Variants in TLL1 observed in about 807,000 individuals in gnomAD.
TLL1 encodes the protein tolloid-like protein 1.
In TLL1, 49 loss-of-function variants were observed where a neutral mutation model predicts 128.2. That is an observed-to-expected ratio of 0.38 (90% confidence interval 0.30 to 0.48). The LOEUF (loss-of-function observed/expected upper bound fraction) is 0.48. Among genes scored for constraint, TLL1 ranks in the 20% least tolerant of loss-of-function variants. TLL1 has a pLI of 0.96. For missense variants in TLL1, 1,123 were observed against 1,242.0 expected (o/e 0.90, Z 1.44); for synonymous variants, 454 against 418.8 (o/e 1.08, Z -1.03).
chr4:165,903,812 A>G (rs932526878), intron 1 of TLL1, among the ~76,000 whole-genome samples: 5 of 152,006 alleles, frequency 3.3e-5, no homozygotes, highest in Non-Finnish European at 7.4e-5. Context: ...GGTGATCACA[A>G]GAGGTTTATG....
At chr4:166,052,144 A>G (rs1739770493) in intron 12 of TLL1, among the ~76,000 whole-genome samples, 1 of 152,064 alleles carries the variant, frequency 6.6e-6, no homozygotes, top group Non-Finnish European at 1.5e-5. Flanking sequence ...TTTGAGTTTC[A>G]TTTTCAATAG....
intron 18 of TLL1, among the ~76,000 whole-genome samples, chr4:166,082,823 G>A (rs538212754): frequency 5.9e-5 from 9 of 151,940 alleles, no homozygotes; most frequent in East Asian, 1.9e-4. Flanking sequence ...AATTACAGGC[G>A]CCTGCCACCA....
intron 1 of TLL1, among the ~76,000 whole-genome samples, chr4:165,882,425 C>G (rs912226210): frequency 2.0e-5 from 3 of 151,940 alleles, no homozygotes; most frequent in African/African-American, 7.2e-5. Flanking sequence ...TCTTTCTTTT[C>G]TACCTAAGAC....
At position 166,036,701 on chromosome 4, in the gene TLL1, G is replaced by A. The variant is rs565028124; in HGVS notation, c.1159-2638G>A. Among the ~76,000 whole-genome samples the A allele has an allele frequency of 1.8e-4, 27 of 151,998 alleles. No homozygotes were observed. In the South Asian group the frequency reaches 5.4e-3, roughly 30 times the overall value. ...TGTGTTTTATGTTAATGTCAGGCCA[G>A]TTATGTTCCTCCATGGTGCTTGGTG... On this transcript the variant is annotated intron_variant, in intron 9 of 20. Transcript: ENST00000061240.
chr4:166,084,352 A>T (rs1164041604), intron 18 of TLL1, among the ~76,000 whole-genome samples: 1 of 151,874 alleles, frequency 6.6e-6, no homozygotes, highest in African/African-American at 2.4e-5. Context: ...CACTCTGTTG[A>T]TTGCTCCCTT....
rs543209919 is a variant in TLL1, at chr4:165,938,305, T to C, written c.170-51076T>C. On this transcript the variant is annotated intron_variant, in intron 1 of 20. Transcript: ENST00000061240. ...GGTTTCTCTTTTATTTCTGATTATT[T>C]TTGGTGAGCCTTCATGATCTTGATT... Among the ~76,000 whole-genome samples the C allele has an allele frequency of 6.6e-5, 10 of 152,200 alleles. No individual in the cohort carries two copies. The East Asian group carries it at 1.9e-3, about 29-fold the overall frequency.
intron 1 of TLL1, among the ~76,000 whole-genome samples, chr4:165,886,611 A>G (rs897389821): frequency 2.0e-5 from 3 of 152,188 alleles, no homozygotes; most frequent in Non-Finnish European, 4.4e-5. Context: ...CACTAGTCCT[A>G]TATATAAAAT....
chr4:166,099,985 A>G (rs1461725896), intron 20 of TLL1, among the ~76,000 whole-genome samples: 1 of 152,152 alleles, frequency 6.6e-6, no homozygotes, highest in African/African-American at 2.4e-5. Flanking sequence ...TGGTGTGTGT[A>G]CACAGGCAGT....
intron 1 of TLL1, among the ~76,000 whole-genome samples, chr4:165,930,493 T>G (rs1384415163): frequency 6.6e-6 from 1 of 152,134 alleles, no homozygotes; most frequent in African/African-American, 2.4e-5. Context: ...AGCTAAAATT[T>G]TACTGAAACA....
rs562325369 is a variant in TLL1 at position 165,894,177 on chromosome 4, G to A, written c.169+20104G>A. Among the ~76,000 whole-genome samples the A allele has an allele frequency of 3.1e-3, 466 of 152,198 alleles. 1 individual carries two copies. Among genetic ancestry groups the A allele is most frequent in the African/African-American group, 0.011 (449 of 41,514 alleles). On this transcript the variant is annotated intron_variant, in intron 1 of 20. Coordinates refer to ENST00000061240, the MANE Select transcript of TLL1 (RefSeq NM_012464.5). ...ATGGCCAAAAATTCCTAAATTTAGT[G>A]AAAACAGTAGATCTGTGTGATCTAA...
chr4:166,060,290 C>G lies in TLL1; in HGVS notation c.2007+102C>G, dbSNP rs1028334047. The G allele has an allele frequency of 1.1e-5, 14 of 1,272,832 alleles. No individual in the cohort carries two copies. The African/African-American group carries it at 2.0e-4, about 18-fold the overall frequency. The allele number at this position is 1,272,832 out of a possible 1,614,324, so 78.8% of individuals were successfully genotyped here. ...AAAAGATGTAGTAAAATAGTATAGA[C>G]ATTGTATTCTTTCTTTGTCTTACTG... is the stretch of plus-strand genomic sequence containing the variant. On this transcript the variant is annotated intron_variant, in intron 15 of 20. Transcript: ENST00000061240.
intron 7 of TLL1, among the ~76,000 whole-genome samples, chr4:166,008,312 A>C (rs1331198969): frequency 6.6e-6 from 1 of 151,618 alleles, no homozygotes; most frequent in Non-Finnish European, 1.5e-5. Context: ...TTATGTAAAC[A>C]ATTTTATATT....
intron 5 of TLL1, among the ~76,000 whole-genome samples, chr4:165,997,111 T>C (rs1736918467): frequency 1.3e-5 from 2 of 151,992 alleles, no homozygotes; most frequent in African/African-American, 4.8e-5. Context: ...TCATTTGGAA[T>C]TACCATTGTT....
intron 1 of TLL1, among the ~76,000 whole-genome samples, chr4:165,917,450 C>T (rs1732835391): frequency 6.6e-6 from 1 of 152,076 alleles, no homozygotes; most frequent in African/African-American, 2.4e-5. Context: ...GGGAATAATA[C>T]TAGTATCCTA....
At chr4:166,037,923 G>C (rs1387189351) in intron 9 of TLL1, among the ~76,000 whole-genome samples, 1 of 152,006 alleles carries the variant, frequency 6.6e-6, no homozygotes, top group African/African-American at 2.4e-5. Context: ...GAAAGTACAT[G>C]TTAGTCTATA....
Position 165,918,027 on chromosome 4 carries a change from G to T in TLL1, c.169+43954G>T, listed in dbSNP as rs73860888. On this transcript the variant is annotated intron_variant, in intron 1 of 20. Coordinates refer to ENST00000061240, the MANE Select transcript of TLL1 (RefSeq NM_012464.5). ...TTTGAAGATGTAATTTTAGACAAAT[G>T]GAAATTTTAGTTGGAAGATTATTAG... 2.6e-3 allele frequency among the ~76,000 whole-genome samples: 390 copies of T among 152,136 alleles called. 2 individuals are homozygous for T. Among genetic ancestry groups the T allele is most frequent in the African/African-American group, 8.7e-3 (363 of 41,512 alleles).
chr4:166,086,044 A>G (rs1182566583), intron 18 of TLL1, among the ~76,000 whole-genome samples: 3 of 152,156 alleles, frequency 2.0e-5, no homozygotes, highest in African/African-American at 4.8e-5. Flanking sequence ...TTATAAGACT[A>G]TAAGCTCAAA....
At chr4:166,049,427 T>C (rs75023870) in intron 12 of TLL1, among the ~76,000 whole-genome samples, 1,555 of 152,316 alleles carry the variant, frequency 0.01, 17 homozygotes, top group Middle Eastern at 0.027. Context: ...GCATGTCTGT[T>C]TTATTCACCA....
intron 5 of TLL1, among the ~76,000 whole-genome samples, chr4:166,002,632 A>G (rs1233630724): frequency 6.6e-6 from 1 of 151,864 alleles, no homozygotes; most frequent in East Asian, 1.9e-4. Context: ...TTTTGTAGAG[A>G]TGGGGTCTTA....
Sources: allele counts gnomAD v4.1 joint callset (sites outside exome capture counted in the v4.1 genomes callset), GRCh38; gene constraint gnomAD v4.1.1; transcripts MANE v1.5; gene names NCBI Gene and HGNC (gene_info 2026-07-23, HGNC 2026-07-21).